Variants in XPO1 observed in about 807,000 individuals in gnomAD.
XPO1 encodes exportin 1.
A neutral mutation model predicts 133.3 loss-of-function variants in XPO1; 5 were observed. That is an observed-to-expected ratio of 0.04 (90% CI 0.02 to 0.08). The LOEUF (loss-of-function observed/expected upper bound fraction) is 0.08, where lower values mean the gene tolerates loss of function less well. Among genes scored for constraint, XPO1 ranks in the 10% least tolerant of loss-of-function variants. The probability of loss-of-function intolerance (pLI) is 1.00; values close to 1 mark genes in which losing one functional copy is unlikely to be tolerated. For synonymous variants in XPO1, 419 were observed against 408.2 expected (o/e 1.03, Z -0.32); for missense variants, 506 against 1,267.5 (o/e 0.40, Z 9.12).
At chr2:61,506,814 T>TG (rs1323189107) in intron 4 of XPO1, among the ~76,000 whole-genome samples, 1 of 152,162 alleles carries the variant, frequency 6.6e-6, no homozygotes, top group Non-Finnish European at 1.5e-5. Flanking sequence ...GACCCATTAC[T>TG]GGTCTCTGAC....
rs1696663862 is a variant in XPO1 at position 61,485,782 on chromosome 2, T to A, written c.2494A>T (p.Asn832Tyr). 1 of 1,612,586 alleles carries A rather than the reference T, an allele frequency of 6.2e-7. No homozygotes were observed. Among genetic ancestry groups the A allele is most frequent in the Non-Finnish European group, 8.5e-7 (1 of 1,179,274 alleles). The change falls in exon 20 of 25, where the codon AAT becomes TAT. Residue 832 changes from asparagine to tyrosine, a missense_variant. Asn to Tyr is a moderately radical substitution (Grantham distance 143). Around this residue, in one of 6 missense-constraint regions of XPO1, gnomAD observed 203 missense variants for 365.9 expected, o/e 0.55. Transcript: ENST00000401558. ...IFDAVFECTL[N>Y]MINKDFEEYP... The stretch of plus-strand genomic sequence containing the variant: ...ATATTACACACCTTATTTATCATAT[T>A]CAATGTGCATTCAAAAACAGCATCA...
chr2:61,510,840 C>A (rs886599780), intron 4 of XPO1, among the ~76,000 whole-genome samples: 1 of 150,938 alleles, frequency 6.6e-6, no homozygotes. Flanking sequence ...AGGAGACTGA[C>A]GCAGGAGGAT....
At chr2:61,490,876 C>G in intron 16 of XPO1, 100 bp from the exon 17 acceptor site, 1 of 1,425,124 alleles carries the variant, frequency 7.0e-7, no homozygotes, top group Non-Finnish European at 9.6e-7. Flanking sequence ...GATTTTGGCC[C>G]AGGTGCAGTG....
At chr2:61,536,548 A>T (rs1190551252) in intron 1 of XPO1, 1 of 152,284 alleles carries the variant, frequency 6.6e-6, no homozygotes, top group Non-Finnish European at 1.5e-5. Flanking sequence ...ACTAGGTGAA[A>T]AACAAGTCGC....
intron 16 of XPO1, among the ~76,000 whole-genome samples, chr2:61,491,668 C>G (rs1209439702): frequency 6.6e-6 from 1 of 152,076 alleles, no homozygotes; most frequent in Non-Finnish European, 1.5e-5. Flanking sequence ...CTGAGGCAAG[C>G]GTATCGCTTG....
At chr2:61,526,372 T>C (rs749360266) in intron 3 of XPO1, 48 bp downstream of exon 3, 1 of 1,579,402 alleles carries the variant, frequency 6.3e-7, no homozygotes, top group African/African-American at 1.4e-5. Context: ...TCAAAGTTTA[T>C]GACTGGAAGA....
chr2:61,506,598 CA>C lies in XPO1; in HGVS notation c.302-4289del, dbSNP rs71405128. Among the ~76,000 whole-genome samples the C allele has an allele frequency of 2.1e-3, 170 of 81,398 alleles. 7 individuals carry two copies. The East Asian group carries it at 0.03, about 14-fold the overall frequency. The allele number at this position is 81,398 out of a possible 152,430, so 53.4% of individuals were successfully genotyped here. A position where few individuals can be genotyped will look rare whatever the true frequency, so the allele number is the denominator to read the frequency against. Reference sequence around the variant, plus strand: ...TGGGCGACAGAGCAAGATTCCGTCTCAAAAAAAAAAAAAAAAATCCAATGTT... The same window carrying C: ...TGGGCGACAGAGCAAGATTCCGTCTCAAAAAAAAAAAAAAAATCCAATGTT... On this transcript the variant is annotated intron_variant, in intron 4 of 24. Coordinates refer to ENST00000401558, the MANE Select transcript of XPO1 (RefSeq NM_003400.4).
chr2:61,490,566 T>G, intron 17 of XPO1, 76 bp downstream of exon 17: 1 of 1,584,594 alleles, frequency 6.3e-7, no homozygotes, highest in East Asian at 2.2e-5. Flanking sequence ...TTAAAAGGCT[T>G]GAATTCAATA....
chr2:61,517,094 G>C (rs980046739), intron 4 of XPO1, among the ~76,000 whole-genome samples: 17 of 151,844 alleles, frequency 1.1e-4, no homozygotes, highest in African/African-American at 4.1e-4. Context: ...AGTAGAGACC[G>C]GGTTTCACCA....
At chr2:61,491,929 A>C in intron 16 of XPO1, 106 bp downstream of exon 16, 1 of 1,348,452 alleles carries the variant, frequency 7.4e-7, no homozygotes, top group Non-Finnish European at 1.0e-6. Context: ...TTTAATCAGA[A>C]ACACTTCTAT....
At chr2:61,525,325 C>T (rs1278741698) in intron 3 of XPO1, 2 of 986,510 alleles carry the variant, frequency 2.0e-6, no homozygotes, top group East Asian at 1.1e-4. Context: ...GAAGACACCC[C>T]TTTTCTTCCT....
intron 7 of XPO1, among the ~76,000 whole-genome samples, chr2:61,499,141 A>T (rs531375457): frequency 1.3e-5 from 2 of 152,242 alleles, no homozygotes; most frequent in Non-Finnish European, 2.9e-5. Context: ...TAATGGAAGT[A>T]TAACTATAGT....
At position 61,481,238 on chromosome 2, in the gene XPO1, G is replaced by C. The variant is rs1194653286; in HGVS notation, c.3016C>G (p.Gln1006Glu). 7 of 1,611,888 alleles carry C rather than the reference G, an allele frequency of 4.3e-6. No individual in the cohort carries two copies. Among genetic ancestry groups the C allele is most frequent in the Non-Finnish European group, 5.9e-6 (7 of 1,179,138 alleles). Reference sequence around the variant, plus strand: ...TGTTCCTTGAAAGCAGGAATATCTTGATTTAAGCTGAAAAGCCCTGTCACA... The same window carrying C: ...TGTTCCTTGAAAGCAGGAATATCTTCATTTAAGCTGAAAAGCCCTGTCACA... ...LFVTGLFSLNQDIPAFKEHLR... is the reference protein window; with the variant it reads ...LFVTGLFSLNEDIPAFKEHLR... The change falls in exon 24 of 25, where the codon CAA becomes GAA. Residue 1006 changes from glutamine (Q) to glutamate (E), a missense_variant. By Grantham distance (29) the Gln-to-Glu change is conservative (BLOSUM62 2). Coordinates refer to ENST00000401558, the MANE Select transcript of XPO1 (RefSeq NM_003400.4).
Position 61,494,041 on chromosome 2 carries a change from A to C in XPO1, c.1098T>G (p.Phe366Leu). The change falls in exon 12 of 25, where the codon TTT (phenylalanine) becomes TTG (leucine). Residue 366 changes from phenylalanine (F) to leucine (L), a missense_variant. Transcript: ENST00000401558. The part of the protein sequence containing the change: ...LVSEVEETEI[F>L]KICLEYWNHL... Reference sequence around the variant, plus strand: ...GATTCCAGTATTCAAGACAAATTTTAAAGATTTCAGTTTCTTCTACTTCAG... The same window carrying C: ...GATTCCAGTATTCAAGACAAATTTTCAAGATTTCAGTTTCTTCTACTTCAG... The C allele has an allele frequency of 6.2e-7, 1 of 1,614,066 alleles. No individual in the cohort carries two copies. Among genetic ancestry groups the C allele is most frequent in the Non-Finnish European group, 8.5e-7 (1 of 1,179,988 alleles).
chr2:61,495,475 G>A lies in XPO1; in HGVS notation c.1027C>T (p.Leu343Phe), dbSNP rs1426589139. Residue 343 changes from leucine (L) to phenylalanine (F), a missense_variant, in exon 11 of 25, where the codon CTC (leucine) becomes TTC (phenylalanine). Around this residue, in one of 6 missense-constraint regions of XPO1, gnomAD observed 134 missense variants for 261.6 expected, o/e 0.51. Transcript: ENST00000401558. ...CTTACCTCCATAAGAGTTTCCCTGA[G>A]ATTTAATCTTTTTTCTATAAGTTGA... ...HDQLIEKRLNLRETLMEALHY... is the reference protein window; with the variant it reads ...HDQLIEKRLNFRETLMEALHY... The A allele has an allele frequency of 6.4e-7, 1 of 1,564,310 alleles. No homozygotes were observed.
At chr2:61,487,515 A>G (rs1696753805) in intron 19 of XPO1, among the ~76,000 whole-genome samples, 1 of 152,068 alleles carries the variant, frequency 6.6e-6, no homozygotes, top group South Asian at 2.1e-4. Context: ...AACTATGAAA[A>G]TAACTAGCAC....
At chr2:61,522,580 A>C in intron 4 of XPO1, 31 bp downstream of exon 4, 1 of 1,592,250 alleles carries the variant, frequency 6.3e-7, no homozygotes, top group South Asian at 1.1e-5. Context: ...GAAAAACAAA[A>C]CTCTGAATTT....
chr2:61,507,515 G>A (rs1304254976), intron 4 of XPO1, among the ~76,000 whole-genome samples: 2 of 151,946 alleles, frequency 1.3e-5, no homozygotes, highest in Non-Finnish European at 2.9e-5. Context: ...AAGTTACAAC[G>A]AGCTATGATT....
At chr2:61,481,080 C>T in intron 24 of XPO1, 105 bp downstream of exon 24, 4 of 644,254 alleles carry the variant, frequency 6.2e-6, no homozygotes, top group East Asian at 3.2e-5. Context: ...ATCTTGAAAC[C>T]CCATTTATTT....
Sources: allele counts gnomAD v4.1 joint callset (sites outside exome capture counted in the v4.1 genomes callset), GRCh38; gene constraint gnomAD v4.1.1; regional missense constraint gnomAD v4.1.1; transcripts MANE v1.5; gene names NCBI Gene and HGNC (gene_info 2026-07-23, HGNC 2026-07-21).